Variants in PRR5L observed in about 807,000 individuals in gnomAD.
PRR5L encodes the protein proline-rich protein 5-like.
A neutral mutation model predicts 36.4 loss-of-function variants in PRR5L; 21 were observed. That is an observed-to-expected ratio of 0.58 (90% CI 0.41 to 0.83). The LOEUF is 0.83. Ranked by LOEUF, PRR5L falls within the 40% of genes least tolerant of loss-of-function variation. PRR5L has a pLI of 0.00. For missense variants in PRR5L, 381 were observed against 473.3 expected, an observed-to-expected ratio of 0.80 and a Z score of 1.81; for synonymous variants, 188 against 197.0, an observed-to-expected ratio of 0.95 and a Z score of 0.38.
At chr11:36,410,302 C>T (rs1175552678) in intron 3 of PRR5L, among the ~76,000 whole-genome samples, 1 of 152,164 alleles carries the variant, frequency 6.6e-6, no homozygotes, top group African/African-American at 2.4e-5. Context: ...ACTGGACTCA[C>T]GGTCTGGTGT....
intron 1 of PRR5L, chr11:36,376,840 T>A: frequency 1.3e-5 from 7 of 546,146 alleles, no homozygotes; most frequent in Non-Finnish European, 1.6e-5. Context: ...GGGAAAAGTG[T>A]CACGTTTGGG....
chr11:36,303,982 C>T (rs1468269310), intron 1 of PRR5L, among the ~76,000 whole-genome samples: 1 of 152,118 alleles, frequency 6.6e-6, no homozygotes, highest in Non-Finnish European at 1.5e-5. Flanking sequence ...CTAATCAACC[C>T]CAATTCAACC....
intron 2 of PRR5L, among the ~76,000 whole-genome samples, 200 bp from the exon 3 acceptor site, chr11:36,403,098 G>A (rs542312699): frequency 9.2e-5 from 14 of 152,300 alleles, no homozygotes; most frequent in South Asian, 8.3e-4. Context: ...GCAAGAAAGC[G>A]GGGGCTGCTT....
intron 3 of PRR5L, among the ~76,000 whole-genome samples, chr11:36,413,714 T>C (rs1201263445): frequency 6.6e-6 from 1 of 151,164 alleles, no homozygotes; most frequent in African/African-American, 2.4e-5. Context: ...TATTTTATTT[T>C]ATTTTATTTT....
chr11:36,411,473 G>T (rs1858025287), intron 3 of PRR5L, among the ~76,000 whole-genome samples: 2 of 152,006 alleles, frequency 1.3e-5, no homozygotes, highest in African/African-American at 2.4e-5. Flanking sequence ...TTTTCCCCCT[G>T]TTATGGCTCC....
chr11:36,361,513 G>A (rs1366563834), intron 1 of PRR5L, among the ~76,000 whole-genome samples: 1 of 152,020 alleles, frequency 6.6e-6, no homozygotes, highest in African/African-American at 2.4e-5. Context: ...AGACTTTAAG[G>A]CTCATAATAA....
At chr11:36,380,924 A>C (rs1422966759) in intron 1 of PRR5L, among the ~76,000 whole-genome samples, 1 of 152,246 alleles carries the variant, frequency 6.6e-6, no homozygotes, top group African/African-American at 2.4e-5. Context: ...TGTGGAGAGC[A>C]GTAGAAATCC....
rs1362964126 is a variant in PRR5L at position 36,344,172 on chromosome 11, G to A, written c.-126+47734G>A. 6.6e-6 allele frequency among the ~76,000 whole-genome samples: 1 copy of A among 151,704 alleles called. No individual in the cohort carries two copies. Among genetic ancestry groups the A allele is most frequent in the African/African-American group, 2.4e-5 (1 of 41,268 alleles). On this transcript the variant is annotated intron_variant, in intron 1 of 8. Coordinates refer to ENST00000530639, the MANE Select transcript of PRR5L (RefSeq NM_001160167.2). The surrounding 1 kb of genome is among the most constrained non-coding windows in gnomAD (Gnocchi z 4.1). ...GCAGAGGTTGCAGTGAGCCAAGATT[G>A]TGCCACTGCACACTCCAGCCTGGGC...
At chr11:36,403,629 T>C (rs1166947206) in intron 3 of PRR5L, among the ~76,000 whole-genome samples, 1 of 152,204 alleles carries the variant, frequency 6.6e-6, no homozygotes, top group Non-Finnish European at 1.5e-5. Context: ...GGAGAGTTGA[T>C]AGATGGCAGC....
Position 36,432,167 on chromosome 11 carries a change from TG to T in PRR5L, c.352+258del, listed in dbSNP as rs1304118325. ...CCTTGTTCAGGGTTTTTTTTTGTTT[TG>T]TTTTTGTTTTTGTTTTTGTTTTTGT... On this transcript the variant is annotated intron_variant, in intron 5 of 8. Coordinates refer to ENST00000530639, the MANE Select transcript of PRR5L (RefSeq NM_001160167.2). Among the ~76,000 whole-genome samples the T allele has an allele frequency of 7.9e-3, 1,162 of 146,762 alleles. 19 individuals are homozygous for T. Among genetic ancestry groups the T allele is most frequent in the African/African-American group, 0.029 (1,075 of 37,272 alleles).
intron 8 of PRR5L, among the ~76,000 whole-genome samples, chr11:36,457,079 G>T (rs1432783647): frequency 6.6e-6 from 1 of 152,184 alleles, no homozygotes; most frequent in Non-Finnish European, 1.5e-5. Flanking sequence ...ACCTTTCCCT[G>T]GCTCATCCCA....
At chr11:36,358,961 A>G (rs1181995728) in intron 1 of PRR5L, among the ~76,000 whole-genome samples, 2 of 152,236 alleles carry the variant, frequency 1.3e-5, no homozygotes, top group Non-Finnish European at 1.5e-5. Flanking sequence ...AATCCCTGAT[A>G]CATCAGTGCT....
Position 36,418,655 on chromosome 11 carries a change from G to A in PRR5L, c.246-600G>A, listed in dbSNP as rs182321265. On this transcript the variant is annotated intron_variant, in intron 3 of 8. Coordinates refer to ENST00000530639, the MANE Select transcript of PRR5L (RefSeq NM_001160167.2). ...ACTAAAAATACAAAAAATTAGCCGG[G>A]CATGGTGGCGGGCGCCTGTGGTCCC... Among the ~76,000 whole-genome samples the A allele has an allele frequency of 4.9e-3, 748 of 152,164 alleles. 13 individuals are homozygous for A. The highest frequency in any genetic ancestry group is 0.04 in the East Asian group (208 of 5,154).
At chr11:36,428,116 G>A (rs74445075) in intron 4 of PRR5L, among the ~76,000 whole-genome samples, 1,992 of 152,218 alleles carry the variant, frequency 0.013, 54 homozygotes, top group African/African-American at 0.046. Flanking sequence ...GTACCGGTGC[G>A]GAGGCCTCCA....
At chr11:36,307,849 A>G (rs1015636484) in intron 1 of PRR5L, among the ~76,000 whole-genome samples, 6 of 152,224 alleles carry the variant, frequency 3.9e-5, no homozygotes, top group African/African-American at 1.4e-4. Flanking sequence ...TCCCTTTGCT[A>G]CGTCCAGGGG....
At chr11:36,402,625 G>T (rs1014220413) in intron 2 of PRR5L, among the ~76,000 whole-genome samples, 2 of 152,170 alleles carry the variant, frequency 1.3e-5, no homozygotes, top group African/African-American at 4.8e-5. Flanking sequence ...AAAATGTTTT[G>T]GTGTTAAATG....
intron 1 of PRR5L, among the ~76,000 whole-genome samples, chr11:36,394,194 T>C (rs900251392): frequency 6.6e-6 from 1 of 152,214 alleles, no homozygotes; most frequent in African/African-American, 2.4e-5. Flanking sequence ...TCTCATCCAA[T>C]ATCTTGCAAA....
At chr11:36,424,870 G>A (rs1459506092) in intron 4 of PRR5L, among the ~76,000 whole-genome samples, 1 of 151,848 alleles carries the variant, frequency 6.6e-6, no homozygotes, top group Non-Finnish European at 1.5e-5. Context: ...CACCCAGGCT[G>A]GAGTGCAATG....
intron 2 of PRR5L, among the ~76,000 whole-genome samples, chr11:36,402,346 C>T (rs781751916): frequency 2.6e-5 from 4 of 152,136 alleles, no homozygotes; most frequent in African/African-American, 7.2e-5. Context: ...CAGGTTCAAG[C>T]GATTCTCCTG....
Sources: allele counts gnomAD v4.1 joint callset (sites outside exome capture counted in the v4.1 genomes callset), GRCh38; gene constraint gnomAD v4.1.1; non-coding constraint Gnocchi (gnomAD v3.1); transcripts MANE v1.5; gene names NCBI Gene and HGNC (gene_info 2026-07-23, HGNC 2026-07-21).